Variants in AHR observed in about 807,000 individuals in gnomAD.
The protein encoded by AHR is aryl hydrocarbon receptor, also known as AH-receptor.
Under a neutral mutation model 86.8 loss-of-function variants are expected in AHR, and 40 were observed. The ratio of observed to expected loss-of-function variants is 0.46; its 90% confidence interval spans 0.36 to 0.60. The LOEUF (loss-of-function observed/expected upper bound fraction) is 0.60. AHR is among the 20% of genes least tolerant of loss of function. The pLI is 0.00. For synonymous variants in AHR, 398 were observed against 354.9 expected (o/e 1.12, Z -1.37); for missense variants, 1,001 against 1,011.6 (o/e 0.99, Z 0.14).
chr7:17,312,287 G>A (rs1782073411), intron 2 of AHR, among the ~76,000 whole-genome samples: 1 of 152,046 alleles, frequency 6.6e-6, no homozygotes, highest in Non-Finnish European at 1.5e-5. Flanking sequence ...CTCTGATAAA[G>A]CTTTATTGAC....
At position 17,345,870 on chromosome 7, in the gene AHR, T is replaced by G. The variant is rs1782477864; in HGVS notation, c.*2806T>G. The G allele has an allele frequency of 8.5e-6, 1 of 117,716 alleles. No individual in the cohort carries two copies. Among genetic ancestry groups the G allele is most frequent in the East Asian group, 2.1e-4 (1 of 4,730 alleles). The allele number at this position is 117,716 out of a possible 1,614,324, so 7.3% of individuals were successfully genotyped here. A position where few individuals can be genotyped will look rare whatever the true frequency, so the allele number is the denominator to read the frequency against. On this transcript the variant is annotated 3_prime_UTR_variant, in exon 11 of 11. Transcript: ENST00000242057. Reference sequence around the variant, plus strand: ...TAGATGATGTGCACATCTAAGGATATGGATGTGTCTAATTTAGTCTTTTCC... The same window carrying G: ...TAGATGATGTGCACATCTAAGGATAGGGATGTGTCTAATTTAGTCTTTTCC...
intron 10 of AHR, 76 bp from the exon 11 acceptor site, chr7:17,342,845 A>G: frequency 6.5e-6 from 9 of 1,390,110 alleles, no homozygotes; most frequent in Non-Finnish European, 7.9e-6. Flanking sequence ...TTAAAAATAC[A>G]TGTTAATGTT....
In AHR at chr7:17,302,532, A is replaced by T. The variant is rs1781965084; in HGVS notation, c.65+3203A>T. On this transcript the variant is annotated intron_variant, in intron 1 of 10. Coordinates refer to ENST00000242057, the MANE Select transcript of AHR (RefSeq NM_001621.5). ...TTTTCATTTACACAATTATTTCTCC[A>T]TCATTTTTCTTTCCAATAGCTTTAG... Among the ~76,000 whole-genome samples the T allele has an allele frequency of 2.0e-5, 3 of 151,972 alleles. No individual in the cohort carries two copies. The South Asian group carries it at 6.2e-4, about 31-fold the overall frequency.
intron 3 of AHR, among the ~76,000 whole-genome samples, chr7:17,323,387 A>G (rs1383042679): frequency 1.3e-5 from 2 of 152,126 alleles, no homozygotes; most frequent in Admixed American, 1.3e-4. Context: ...GATTTTCTCA[A>G]CAACTCCAAT....
chr7:17,309,814 T>C, intron 1 of AHR, 122 bp from the exon 2 acceptor site: 1 of 849,100 alleles, frequency 1.2e-6, no homozygotes, highest in East Asian at 2.7e-5. Flanking sequence ...TTACGTAAAC[T>C]TTAAGTAGAC....
intron 10 of AHR, 134 bp downstream of exon 10, chr7:17,340,362 T>A: frequency 8.1e-7 from 1 of 1,236,182 alleles, no homozygotes; most frequent in Non-Finnish European, 1.1e-6. Context: ...TTTTATTATA[T>A]CTGTGACTAC....
chr7:17,306,294 T>C (rs1782004739), intron 1 of AHR, among the ~76,000 whole-genome samples: 3 of 152,202 alleles, frequency 2.0e-5, no homozygotes, highest in African/African-American at 4.8e-5. Flanking sequence ...ATCTTCAAGA[T>C]GTATGGATAG....
intron 6 of AHR, among the ~76,000 whole-genome samples, chr7:17,333,521 A>G (rs953066624): frequency 2.6e-5 from 4 of 151,984 alleles, no homozygotes; most frequent in Non-Finnish European, 4.4e-5. Flanking sequence ...GAGCTGTGAT[A>G]TAGTTCATGT....
chr7:17,344,632 T>A lies in AHR; in HGVS notation c.*1568T>A, dbSNP rs1340761873. ...AAAAATGACACCATCTTTTATTCTT[T>A]TTTTTTTTTTTTTTTGAGAGAGAGT... On this transcript the variant is annotated 3_prime_UTR_variant, in exon 11 of 11. Coordinates refer to ENST00000242057, the MANE Select transcript of AHR (RefSeq NM_001621.5). 6.7e-6 allele frequency: 1 copy of A among 148,940 alleles called. No individual in the cohort carries two copies. The highest frequency in any genetic ancestry group is 2.5e-5 in the African/African-American group (1 of 40,806). The allele number at this position is 148,940 out of a possible 1,614,324, so 9.2% of individuals were successfully genotyped here. A position where few individuals can be genotyped will look rare whatever the true frequency, so the allele number is the denominator to read the frequency against.
At chr7:17,312,474 C>A (rs1782075809) in intron 2 of AHR, among the ~76,000 whole-genome samples, 1 of 152,044 alleles carries the variant, frequency 6.6e-6, no homozygotes, top group African/African-American at 2.4e-5. Flanking sequence ...AGATATATTT[C>A]TATATTTAAT....
chr7:17,333,817 G>C, intron 6 of AHR, 95 bp from the exon 7 acceptor site: 1 of 913,670 alleles, frequency 1.1e-6, no homozygotes, highest in Non-Finnish European at 1.7e-6. Flanking sequence ...GAATTATCAA[G>C]AACCCTAGAG....
In AHR at chr7:17,323,652, C is replaced by T. The variant is rs540988850; in HGVS notation, c.360+1045C>T. ...TGTTACAAAAAGTAACCCTAAGTTT[C>T]GGTAACTCCACTAGTTCATTCAGTG... On this transcript the variant is annotated intron_variant, in intron 3 of 10. Transcript: ENST00000242057. 2.6e-5 allele frequency among the ~76,000 whole-genome samples: 4 copies of T among 152,200 alleles called. No individual in the cohort carries two copies. In the South Asian group the frequency reaches 6.2e-4, roughly 24 times the overall value.
At chr7:17,335,504 A>G in intron 8 of AHR, 141 bp from the exon 9 acceptor site, 1 of 671,088 alleles carries the variant, frequency 1.5e-6, no homozygotes, top group East Asian at 3.0e-5. Context: ...CATGCCTTTT[A>G]TTATTTTTTG....
At chr7:17,334,834 A>G in intron 7 of AHR, 53 bp from the exon 8 acceptor site, 1 of 1,283,292 alleles carries the variant, frequency 7.8e-7, no homozygotes, top group East Asian at 2.4e-5. Context: ...TGGTTATTTC[A>G]TTTATGTTAA....
chr7:17,330,931 A>G (rs764284416), intron 6 of AHR, 45 bp downstream of exon 6: 2 of 1,581,816 alleles, frequency 1.3e-6, no homozygotes, highest in Non-Finnish European at 8.6e-7. Context: ...TATTGTTACA[A>G]TAAAAGCTTG....
chr7:17,345,457 A>T lies in AHR; in HGVS notation c.*2393A>T, dbSNP rs181155862. 7.2e-5 allele frequency: 11 copies of T among 152,806 alleles called. No homozygotes were observed. The highest frequency in any genetic ancestry group is 2.6e-4 in the African/African-American group (11 of 41,582). The allele number at this position is 152,806 out of a possible 1,614,324, so 9.5% of individuals were successfully genotyped here. Reference sequence around the variant, plus strand: ...CTGTAGAATCAATTTAAGTGTTGGAAAAAATTTGTCTGAAACATTTCATAA... The same window carrying T: ...CTGTAGAATCAATTTAAGTGTTGGATAAAATTTGTCTGAAACATTTCATAA... On this transcript the variant is annotated 3_prime_UTR_variant, in exon 11 of 11. Coordinates refer to ENST00000242057, the MANE Select transcript of AHR (RefSeq NM_001621.5).
At chr7:17,302,436 TACTC>T (rs965135427) in intron 1 of AHR, among the ~76,000 whole-genome samples, 2 of 152,092 alleles carry the variant, frequency 1.3e-5, no homozygotes, top group Non-Finnish European at 2.9e-5. Context: ...ACTTACATAA[TACTC>T]ATTAAATGTT....
chr7:17,341,354 G>C (rs1211383044), intron 10 of AHR, among the ~76,000 whole-genome samples: 2 of 152,056 alleles, frequency 1.3e-5, no homozygotes, highest in Admixed American at 6.6e-5. Context: ...TCACAAAATT[G>C]CTATGAAAGT....
At chr7:17,341,816 A>G (rs1782427150) in intron 10 of AHR, among the ~76,000 whole-genome samples, 1 of 152,174 alleles carries the variant, frequency 6.6e-6, no homozygotes, top group African/African-American at 2.4e-5. Context: ...ACTGTAGCCA[A>G]AAATTTAAGT....
Sources: gnomAD v4.1 joint callset for allele counts (sites outside exome capture counted in the v4.1 genomes callset) on GRCh38, gnomAD v4.1.1 for gene constraint, MANE v1.5 for transcripts, NCBI Gene and HGNC (gene_info 2026-07-23, HGNC 2026-07-21) for gene names.